FHAD1: variants seen among roughly 807,000 people sequenced by gnomAD.
The protein encoded by FHAD1 is forkhead-associated domain-containing protein 1.
A neutral mutation model predicts 191.3 loss-of-function variants in FHAD1; 146 were observed. The observed-to-expected ratio is 0.76, with a 90% CI of 0.67 to 0.88. The LOEUF (loss-of-function observed/expected upper bound fraction) is 0.88, where lower values mean the gene tolerates loss of function less well. Ranked by LOEUF, FHAD1 falls within the 40% of genes least tolerant of loss-of-function variation. FHAD1 has a pLI of 0.00. For synonymous variants in FHAD1, 616 were observed against 672.3 expected (o/e 0.92, Z 1.29); for missense variants, 1,635 against 1,785.8 (o/e 0.92, Z 1.52).
chr1:15,246,348 G>A (rs1411176810), upstream of FHAD1, among the ~76,000 whole-genome samples: 1 of 152,180 alleles, frequency 6.6e-6, no homozygotes, highest in East Asian at 1.9e-4. Flanking sequence ...CACTAGGGTA[G>A]AATGTGCCAT....
chr1:15,289,439 G>C lies in FHAD1; in HGVS notation c.341G>C (p.Gly114Ala). 1 of 1,551,694 alleles carries C rather than the reference G, an allele frequency of 6.4e-7. No homozygotes were observed. Among genetic ancestry groups the C allele is most frequent in the Non-Finnish European group, 8.7e-7 (1 of 1,147,012 alleles). The change falls in exon 4 of 34, where the codon GGG becomes GCG. Residue 114 changes from glycine (G) to alanine (A), a missense_variant. Physicochemically the swap from Gly to Ala is moderately conservative, Grantham distance 60. Transcript: ENST00000688493. This position sits in a 1 kb window ranked among gnomAD's most constrained non-coding sequence, Gnocchi z 4.2. ...ATGAGGGGCCCAGCACCATGGCCAGGGCCACAGCCACCTCGTGCCACACAG... is the reference window on the plus strand; with the variant it reads ...ATGAGGGGCCCAGCACCATGGCCAGCGCCACAGCCACCTCGTGCCACACAG... ...PWMRGPAPWP[G>A]PQPPRATQQP...
At position 15,276,047 on chromosome 1, in the gene FHAD1, C is replaced by G. The variant is rs1434387759; in HGVS notation, c.300+3518C>G. Among the ~76,000 whole-genome samples, 1 of 152,188 alleles carries G rather than the reference C, an allele frequency of 6.6e-6. No individual in the cohort carries two copies. The highest frequency in any genetic ancestry group is 2.4e-5 in the African/African-American group (1 of 41,446). On this transcript the variant is annotated intron_variant, in intron 3 of 33. Transcript: ENST00000688493. The surrounding 1 kb of genome is among the most constrained non-coding windows in gnomAD (Gnocchi z 4.7). ...GAGACCCAAATGTGTTTGTAGACAT[C>G]ACAGTGGCTAGCGTGGGTGTCCTGA...
chr1:15,328,396 C>T lies in FHAD1; in HGVS notation c.1677C>T (p.Ile559=), dbSNP rs371866159. 3 of 1,544,278 alleles carry T rather than the reference C, an allele frequency of 1.9e-6. No homozygotes were observed. The highest frequency in any genetic ancestry group is 1.2e-5 in the South Asian group (1 of 83,416). Residue 559 remains isoleucine (I), a synonymous_variant, in exon 13 of 34, where the codon ATC becomes ATT. Transcript: ENST00000688493. ...AGCAGGAGGAGACCACCGAGAACAT[C>T]GAGAAGCTGAGGACGTCGCTGGACA... ...NSKQEETTEN[I]EKLRTSLDSC...
In FHAD1 at chr1:15,381,305, C is replaced by T. The variant is rs1319250271; in HGVS notation, c.3876C>T (p.Tyr1292=). The change falls in exon 30 of 34, where the codon TAC becomes TAT. Residue 1292 remains tyrosine (Y), a synonymous_variant. Coordinates refer to ENST00000688493, the MANE Select transcript of FHAD1 (RefSeq NM_001391957.1). This position sits in a 1 kb window ranked among gnomAD's most constrained non-coding sequence, Gnocchi z 4.6. ...KNMSGHVSMK[Y]LSRQEREKVN... is the part of the protein sequence containing the mutation. Reference sequence around the variant, plus strand: ...TGTCAGGCCACGTGTCCATGAAATACCTCTCCCGCCAGGAGAGGGAGAAGG... The same window carrying T: ...TGTCAGGCCACGTGTCCATGAAATATCTCTCCCGCCAGGAGAGGGAGAAGG... 1 of 1,551,662 alleles carries T rather than the reference C, an allele frequency of 6.4e-7. No homozygotes were observed. Among genetic ancestry groups the T allele is most frequent in the African/African-American group, 1.4e-5 (1 of 73,140 alleles).
At chr1:15,349,005 G>A in intron 18 of FHAD1, 37 bp from the exon 19 acceptor site, 7 of 1,320,006 alleles carry the variant, frequency 5.3e-6, no homozygotes, top group South Asian at 1.3e-5. Context: ...CCCCCTAAAT[G>A]TGCAGGCCAC....
At chr1:15,340,736 G>T (rs1330293309) in intron 15 of FHAD1, among the ~76,000 whole-genome samples, 3 of 152,092 alleles carry the variant, frequency 2.0e-5, no homozygotes, top group Non-Finnish European at 4.4e-5. Context: ...TGAGTCCAGG[G>T]ATTGGCAACT....
intron 1 of FHAD1, among the ~76,000 whole-genome samples, chr1:15,250,094 G>A (rs193249350): frequency 2.0e-4 from 30 of 152,276 alleles, no homozygotes; most frequent in African/African-American, 5.1e-4. Context: ...CCGAGAGTCC[G>A]TACCACCACA....
intron 32 of FHAD1, among the ~76,000 whole-genome samples, chr1:15,390,936 A>G (rs56794016): frequency 0.084 from 12,779 of 152,080 alleles, 1,180 homozygotes; most frequent in African/African-American, 0.23. Flanking sequence ...CCCTGGGTTG[A>G]GCAGCCTCCA....
chr1:15,310,156 C>T (rs1671805462), intron 7 of FHAD1, among the ~76,000 whole-genome samples: 1 of 152,130 alleles, frequency 6.6e-6, no homozygotes, highest in Non-Finnish European at 1.5e-5. Flanking sequence ...GGAATGAGTC[C>T]AGATTGGGCA....
At chr1:15,390,681 G>T (rs991778947) in intron 32 of FHAD1, among the ~76,000 whole-genome samples, 1 of 152,172 alleles carries the variant, frequency 6.6e-6, no homozygotes, top group African/African-American at 2.4e-5. Context: ...ACATCTTGGG[G>T]ACCCCAGGGT....
intron 4 of FHAD1, 140 bp from the exon 5 acceptor site, chr1:15,296,544 C>T (rs1247910280): frequency 1.4e-5 from 12 of 831,548 alleles, no homozygotes; most frequent in Non-Finnish European, 2.0e-5. Flanking sequence ...TGAGCCACAG[C>T]GCCCGGCCTT....
chr1:15,383,391 G>A lies in FHAD1; in HGVS notation c.4188+1198G>A, dbSNP rs900917069. The A allele has an allele frequency of 5.9e-5, 23 of 392,440 alleles. 1 individual carries two copies. The highest frequency in any genetic ancestry group is 4.3e-4 in the South Asian group (23 of 53,924). The allele number at this position is 392,440 out of a possible 1,614,324, so 24.3% of individuals were successfully genotyped here. A position where few individuals can be genotyped will look rare whatever the true frequency, so the allele number is the denominator to read the frequency against. ...CCCATGCTGCCCGTGACCCATGCAGGTGGTCTCCTGGGTGAGTCCTGCCTC... is the reference window on the plus strand; with the variant it reads ...CCCATGCTGCCCGTGACCCATGCAGATGGTCTCCTGGGTGAGTCCTGCCTC... On this transcript the variant is annotated intron_variant, in intron 31 of 33. Transcript: ENST00000688493.
chr1:15,390,383 T>A lies in FHAD1; in HGVS notation c.4270-827T>A, dbSNP rs115901549. On this transcript the variant is annotated intron_variant, in intron 32 of 33. Coordinates refer to ENST00000688493, the MANE Select transcript of FHAD1 (RefSeq NM_001391957.1). ...AAAAAAAAAAGGCACTTTAAGAGAA[T>A]ACTCCAGATTTCTGGCTTCTTTGGG... Among the ~76,000 whole-genome samples, 1,049 of 141,008 alleles carry A rather than the reference T, an allele frequency of 7.4e-3. 19 individuals are homozygous for A. Among genetic ancestry groups the A allele is most frequent in the African/African-American group, 0.026 (996 of 38,080 alleles). 92.5% of individuals were successfully genotyped at this position (141,008 alleles called of 152,430 possible). A position where few individuals can be genotyped will look rare whatever the true frequency, so the allele number is the denominator to read the frequency against.
At chr1:15,370,727 TC>T (rs1422355304) in intron 26 of FHAD1, among the ~76,000 whole-genome samples, 1 of 152,132 alleles carries the variant, frequency 6.6e-6, no homozygotes, top group Non-Finnish European at 1.5e-5. Context: ...GCTGTGATAC[TC>T]CCGATGATCC....
chr1:15,279,697 G>A (rs749328031), intron 3 of FHAD1, among the ~76,000 whole-genome samples: 24 of 152,042 alleles, frequency 1.6e-4, no homozygotes, highest in Non-Finnish European at 2.9e-4. Context: ...AAGAGCAAGC[G>A]TCTTCATTGG....
chr1:15,285,261 G>A (rs953421656), intron 3 of FHAD1, among the ~76,000 whole-genome samples: 11 of 152,240 alleles, frequency 7.2e-5, no homozygotes, highest in African/African-American at 1.9e-4. Flanking sequence ...GCCGGGCGCT[G>A]TGGCTCATGC....
At chr1:15,349,710 A>G (rs541058316) in intron 19 of FHAD1, among the ~76,000 whole-genome samples, 10 of 152,350 alleles carry the variant, frequency 6.6e-5, no homozygotes, top group Admixed American at 3.9e-4. Flanking sequence ...GTAAGCACGT[A>G]TGGTTGTCAC....
At position 15,345,191 on chromosome 1, in the gene FHAD1, G is replaced by A. The variant is rs966873723; in HGVS notation, c.2238+1G>A. 1 of 1,550,576 alleles carries A rather than the reference G, an allele frequency of 6.4e-7. No homozygotes were observed. The highest frequency in any genetic ancestry group is 8.7e-7 in the Non-Finnish European group (1 of 1,146,032). ...GAGCCTCCTGGCCCAGCAGAAGAAGGTATGTGGCTCAGGGAGACAGAGTCA... is the reference window on the plus strand; with the variant it reads ...GAGCCTCCTGGCCCAGCAGAAGAAGATATGTGGCTCAGGGAGACAGAGTCA... On this transcript the variant is annotated splice_donor_variant, in intron 17 of 33. Transcript: ENST00000688493. LOFTEE classifies it high-confidence loss of function.
In FHAD1 at chr1:15,360,540, G is replaced by A. The variant is rs1416660026; in HGVS notation, c.2799G>A (p.Gln933=). Residue 933 remains glutamine, a synonymous_variant, in exon 22 of 34, where the codon CAG becomes CAA. Transcript: ENST00000688493. Reference sequence around the variant, plus strand: ...TGGTAAAGGCCCTCCAGGATGAGCAGGAATCACAGAGACACGGGTTTGAAG... The same window carrying A: ...TGGTAAAGGCCCTCCAGGATGAGCAAGAATCACAGAGACACGGGTTTGAAG... ...QKMVKALQDE[Q]ESQRHGFEEE... is the part of the protein sequence containing the mutation. 4 of 1,551,812 alleles carry A rather than the reference G, an allele frequency of 2.6e-6. No individual in the cohort carries two copies. Among genetic ancestry groups the A allele is most frequent in the Non-Finnish European group, 3.5e-6 (4 of 1,147,020 alleles).
Sources: allele counts gnomAD v4.1 joint callset (sites outside exome capture counted in the v4.1 genomes callset), GRCh38; gene constraint gnomAD v4.1.1; non-coding constraint Gnocchi (gnomAD v3.1); transcripts MANE v1.5; gene names NCBI Gene and HGNC (gene_info 2026-07-23, HGNC 2026-07-21).